Variants in PPARGC1A observed in about 807,000 individuals in gnomAD.
PPARGC1A encodes PPARG coactivator 1 alpha.
Under a neutral mutation model 88.7 loss-of-function variants are expected in PPARGC1A, and 25 were observed. That is an observed-to-expected ratio of 0.28 (90% CI 0.21 to 0.39). The LOEUF is 0.39. Ranked by LOEUF, PPARGC1A falls within the 10% of genes least tolerant of loss-of-function variation. The pLI, the probability that PPARGC1A is intolerant of heterozygous loss-of-function variation, is 1.00. For missense variants in PPARGC1A, 880 were observed against 968.7 expected (o/e 0.91, Z 1.22); for synonymous variants, 363 against 355.6 (o/e 1.02, Z -0.24).
chr4:24,067,885 GGA>G, the PPARGC1A span, among the ~76,000 whole-genome samples: 1 of 152,202 alleles, frequency 6.6e-6, no homozygotes, highest in Non-Finnish European at 1.5e-5. Context: ...TGCCAGAAAA[GGA>G]GAGAGACATC....
At chr4:23,901,837 T>A (rs1013641879), upstream of PPARGC1A, among the ~76,000 whole-genome samples, 1 of 152,214 alleles carries the variant, frequency 6.6e-6, no homozygotes, top group Non-Finnish European at 1.5e-5. Context: ...CTTAAATTGA[T>A]AAATGACATA....
the PPARGC1A span, among the ~76,000 whole-genome samples, chr4:24,068,029 G>T: frequency 6.6e-6 from 1 of 152,104 alleles, no homozygotes; most frequent in East Asian, 1.9e-4. Flanking sequence ...CATGTGTGTG[G>T]TCTGCACATT....
the PPARGC1A span, among the ~76,000 whole-genome samples, chr4:24,063,123 A>G: frequency 6.6e-6 from 1 of 152,138 alleles, no homozygotes; most frequent in East Asian, 1.9e-4. Flanking sequence ...CTTGGCCATT[A>G]TAGACATCCT....
chr4:23,991,246 T>A, the PPARGC1A span, among the ~76,000 whole-genome samples: 5 of 152,048 alleles, frequency 3.3e-5, no homozygotes, highest in Non-Finnish European at 7.4e-5. Flanking sequence ...AGAAGGGATG[T>A]AAAAGTCCAA....
At chr4:24,126,870 T>C in the PPARGC1A span, among the ~76,000 whole-genome samples, 1 of 152,190 alleles carries the variant, frequency 6.6e-6, no homozygotes, top group Non-Finnish European at 1.5e-5. Flanking sequence ...ATTACTTTTT[T>C]ATGATGAGGT....
At chr4:24,313,516 C>G in the PPARGC1A span, among the ~76,000 whole-genome samples, 1 of 152,194 alleles carries the variant, frequency 6.6e-6, no homozygotes, top group Non-Finnish European at 1.5e-5. Context: ...AGTTACATTT[C>G]TACTGTGGTT....
rs1721452714 is a variant in PPARGC1A, at chr4:23,814,016, G to A, written c.1467C>T (p.Phe489=). The A allele has an allele frequency of 6.2e-7, 1 of 1,614,030 alleles. No individual in the cohort carries two copies. The highest frequency in any genetic ancestry group is 8.5e-7 in the Non-Finnish European group (1 of 1,179,924). The part of the protein sequence containing the change: ...DKTGELRDSD[F]SNEQFSKLPM... The stretch of plus-strand genomic sequence containing the variant: ...GTAGTTTGGAGAATTGTTCATTACT[G>A]AAATCACTGTCCCTCAGTTCACCGG... Residue 489 remains phenylalanine (F), a synonymous_variant, in exon 8 of 13, where the codon TTC becomes TTT. Transcript: ENST00000264867.
intron 7 of PPARGC1A, among the ~76,000 whole-genome samples, chr4:23,814,940 T>C (rs550773896): frequency 4.6e-5 from 7 of 152,178 alleles, no homozygotes; most frequent in African/African-American, 1.7e-4. Context: ...TTACCAAAGC[T>C]TGCATTTTCA....
At chr4:24,432,474 T>G in the PPARGC1A span, among the ~76,000 whole-genome samples, 1 of 152,276 alleles carries the variant, frequency 6.6e-6, no homozygotes. Flanking sequence ...GCAAATCAGA[T>G]AGACTGACTT....
the PPARGC1A span, among the ~76,000 whole-genome samples, chr4:24,088,606 G>T: frequency 9.9e-5 from 15 of 152,086 alleles, 1 homozygote; most frequent in South Asian, 4.1e-4. Flanking sequence ...ATATCTGTCT[G>T]CCAGAGTACT....
At chr4:24,384,976 T>A in the PPARGC1A span, among the ~76,000 whole-genome samples, 5 of 152,178 alleles carry the variant, frequency 3.3e-5, no homozygotes, top group Non-Finnish European at 7.3e-5. Context: ...ATTCTACAAT[T>A]GACCACATAA....
At chr4:24,260,699 C>T in the PPARGC1A span, among the ~76,000 whole-genome samples, 1 of 151,610 alleles carries the variant, frequency 6.6e-6, no homozygotes, top group Admixed American at 6.6e-5. Context: ...ATACATGGTT[C>T]CTCACCCCCT....
chr4:24,074,554 G>C, the PPARGC1A span, among the ~76,000 whole-genome samples: 1 of 151,938 alleles, frequency 6.6e-6, no homozygotes, highest in African/African-American at 2.4e-5. Flanking sequence ...TTATTTCCTT[G>C]TTTATCTCAC....
At chr4:23,908,031 G>C (rs951681448), upstream of PPARGC1A, among the ~76,000 whole-genome samples, 2 of 152,072 alleles carry the variant, frequency 1.3e-5, no homozygotes, top group Admixed American at 6.5e-5. Context: ...AGATTTGTAT[G>C]AAAAAAACTG....
the PPARGC1A span, among the ~76,000 whole-genome samples, chr4:24,248,382 C>A: frequency 6.6e-6 from 1 of 152,056 alleles, no homozygotes; most frequent in East Asian, 1.9e-4. Flanking sequence ...ACCTCGGACT[C>A]CCAAAATGCT....
the PPARGC1A span, among the ~76,000 whole-genome samples, chr4:24,362,595 A>G: frequency 6.6e-6 from 1 of 152,170 alleles, no homozygotes; most frequent in Non-Finnish European, 1.5e-5. Context: ...CTTGCAGTAG[A>G]TAGAAGTATT....
At chr4:24,363,958 T>G in the PPARGC1A span, among the ~76,000 whole-genome samples, 1 of 152,264 alleles carries the variant, frequency 6.6e-6, no homozygotes, top group South Asian at 2.1e-4. Context: ...CTGATGGCAT[T>G]TGAAATGCTC....
At chr4:24,210,476 C>T in the PPARGC1A span, among the ~76,000 whole-genome samples, 1 of 152,194 alleles carries the variant, frequency 6.6e-6, no homozygotes, top group Non-Finnish European at 1.5e-5. Flanking sequence ...TTAAATATTG[C>T]AAAATCAGGA....
At chr4:24,333,937 C>CA in the PPARGC1A span, among the ~76,000 whole-genome samples, 22 of 10,376 alleles carry the variant, frequency 2.1e-3, no homozygotes, top group Non-Finnish European at 4.3e-3. Flanking sequence ...CCAACAACAA[C>CA]AACAAAAAAA....
Sources: gnomAD v4.1 joint callset for allele counts (sites outside exome capture counted in the v4.1 genomes callset) on GRCh38, gnomAD v4.1.1 for gene constraint, MANE v1.5 for transcripts, NCBI Gene and HGNC (gene_info 2026-07-23, HGNC 2026-07-21) for gene names.